The following STK24 variants were observed in gnomAD, a reference collection of about 807,000 sequenced individuals.
STK24 encodes serine/threonine-protein kinase 24.
In STK24, 21 loss-of-function variants were observed where a neutral mutation model predicts 55.6. That is an observed-to-expected ratio of 0.38 (90% CI 0.27 to 0.54). STK24 has a LOEUF of 0.54. STK24 is among the 20% of genes least tolerant of loss of function. The probability of loss-of-function intolerance (pLI) is 0.79; values close to 1 mark genes in which losing one functional copy is unlikely to be tolerated. For synonymous variants in STK24, 200 were observed against 215.2 expected (o/e 0.93, Z 0.62); for missense variants, 383 against 538.4 (o/e 0.71, Z 2.86).
At chr13:98,559,330 C>T (rs182565514) in intron 1 of STK24, among the ~76,000 whole-genome samples, 382 of 152,272 alleles carry the variant, frequency 2.5e-3, no homozygotes, top group Admixed American at 5.6e-3. Flanking sequence ...TTCCCATCCT[C>T]TTCGCATGAC....
At chr13:98,531,099 A>C (rs1896568502) in intron 1 of STK24, among the ~76,000 whole-genome samples, 1 of 152,240 alleles carries the variant, frequency 6.6e-6, no homozygotes, top group African/African-American at 2.4e-5. Flanking sequence ...TCATCTAATT[A>C]AACTGGCCAT....
At chr13:98,537,614 G>A (rs1594651365) in intron 1 of STK24, among the ~76,000 whole-genome samples, 1 of 152,166 alleles carries the variant, frequency 6.6e-6, no homozygotes, top group African/African-American at 2.4e-5. Flanking sequence ...CAACAGCCCA[G>A]GAAGCAGCAA....
intron 1 of STK24, among the ~76,000 whole-genome samples, chr13:98,558,437 C>T (rs913392849): frequency 1.4e-4 from 21 of 152,126 alleles, no homozygotes; most frequent in African/African-American, 4.8e-4. Flanking sequence ...CGGTACAACA[C>T]CAGGAGGGCA....
intron 2 of STK24, among the ~76,000 whole-genome samples, chr13:98,508,178 A>AT (rs764509282): frequency 8.3e-4 from 126 of 152,280 alleles, no homozygotes; most frequent in Admixed American, 1.6e-3. Context: ...AAAAAAAATA[A>AT]ATATATTTGT....
At chr13:98,563,202 C>G (rs898475716) in intron 1 of STK24, among the ~76,000 whole-genome samples, 3 of 152,120 alleles carry the variant, frequency 2.0e-5, no homozygotes, top group Non-Finnish European at 4.4e-5. Flanking sequence ...CCACAACATC[C>G]AAGGCTAGCA....
intron 2 of STK24, among the ~76,000 whole-genome samples, chr13:98,500,058 T>C (rs1039411728): frequency 6.6e-6 from 1 of 152,250 alleles, no homozygotes; most frequent in Admixed American, 6.5e-5. Flanking sequence ...CATTCACAAA[T>C]ACCTTGCAGC....
At chr13:98,487,418 A>T (rs543732309) in intron 2 of STK24, among the ~76,000 whole-genome samples, 9 of 152,364 alleles carry the variant, frequency 5.9e-5, no homozygotes, top group Middle Eastern at 6.8e-3. Flanking sequence ...TTTAATTAAT[A>T]AATTCTGGAG....
At chr13:98,569,508 TG>T (rs1897681228) in intron 1 of STK24, among the ~76,000 whole-genome samples, 1 of 150,544 alleles carries the variant, frequency 6.6e-6, no homozygotes, top group Admixed American at 6.6e-5. Flanking sequence ...GACCAGAGGA[TG>T]GGGGTGGCAC....
At chr13:98,467,214 G>T (rs920311998) in intron 5 of STK24, among the ~76,000 whole-genome samples, 1 of 152,142 alleles carries the variant, frequency 6.6e-6, no homozygotes, top group African/African-American at 2.4e-5. Context: ...CCTATTGCAT[G>T]AATTTACTAA....
chr13:98,552,463 C>T (rs1173683865), intron 1 of STK24, among the ~76,000 whole-genome samples: 1 of 152,118 alleles, frequency 6.6e-6, no homozygotes, highest in Non-Finnish European at 1.5e-5. Flanking sequence ...TCCACTCAAC[C>T]CAGCTGGGAA....
intron 5 of STK24, among the ~76,000 whole-genome samples, chr13:98,473,830 A>C (rs2139284370): frequency 6.6e-6 from 1 of 152,364 alleles, no homozygotes; most frequent in East Asian, 1.9e-4. Context: ...GCTTTCTAAC[A>C]GTCTATAGCT....
intron 1 of STK24, chr13:98,576,051 G>GA (rs1897881079): frequency 1.0e-6 from 1 of 985,002 alleles, no homozygotes; most frequent in Non-Finnish European, 1.2e-6. Context: ...GTCTCAAAGT[G>GA]AAAGTCCAGG....
chr13:98,501,280 C>T (rs1016251831), intron 2 of STK24, among the ~76,000 whole-genome samples: 1 of 152,194 alleles, frequency 6.6e-6, no homozygotes, highest in African/African-American at 2.4e-5. Context: ...TGCACACTCC[C>T]TCCTCACAGA....
chr13:98,489,604 G>A (rs1894942212), intron 2 of STK24, among the ~76,000 whole-genome samples: 1 of 152,218 alleles, frequency 6.6e-6, no homozygotes, highest in Non-Finnish European at 1.5e-5. Flanking sequence ...AAAAGACAGG[G>A]AACACCTGGT....
chr13:98,503,024 G>GGTTTTTTTTT lies in STK24; in HGVS notation c.273+16218_273+16219insAAAAAAAAAC, dbSNP rs759314930. ...AATATATTAGAAATACTTTCCATGT[G>GGTTTTTTTTT]TTTTTTTTTTTTTTTTTCAGTATGG... On this transcript the variant is annotated intron_variant, in intron 2 of 10. Coordinates refer to ENST00000539966, the MANE Select transcript of STK24 (RefSeq NM_001032296.4). Among the ~76,000 whole-genome samples the GGTTTTTTTTT allele has an allele frequency of 8.2e-3, 874 of 106,992 alleles. 19 individuals are homozygous for GGTTTTTTTTT. The highest frequency in any genetic ancestry group is 0.02 in the African/African-American group (492 of 24,994). 70.2% of individuals were successfully genotyped at this position (106,992 alleles called of 152,430 possible). A position where few individuals can be genotyped will look rare whatever the true frequency, so the allele number is the denominator to read the frequency against.
intron 2 of STK24, 112 bp downstream of exon 2, chr13:98,519,131 T>A: frequency 3.7e-6 from 3 of 807,398 alleles, no homozygotes; most frequent in Non-Finnish European, 6.1e-6. Flanking sequence ...TCAAAACATC[T>A]CTCCTTGCTC....
At chr13:98,539,064 A>G (rs1896813915) in intron 1 of STK24, among the ~76,000 whole-genome samples, 1 of 152,198 alleles carries the variant, frequency 6.6e-6, no homozygotes, top group African/African-American at 2.4e-5. Flanking sequence ...AGCTGTACAC[A>G]GCAGAGCACC....
At chr13:98,550,312 G>A (rs1037114293) in intron 1 of STK24, among the ~76,000 whole-genome samples, 3 of 152,212 alleles carry the variant, frequency 2.0e-5, no homozygotes, top group African/African-American at 7.2e-5. Context: ...GTCAAGGGGG[G>A]AAGATCGCGT....
At chr13:98,503,968 C>T (rs183026446) in intron 2 of STK24, among the ~76,000 whole-genome samples, 3 of 152,234 alleles carry the variant, frequency 2.0e-5, no homozygotes, top group East Asian at 3.9e-4. Context: ...CCTACACCTG[C>T]GATGGCCAAA....
Sources: gnomAD v4.1 joint callset for allele counts (sites outside exome capture counted in the v4.1 genomes callset) on GRCh38, gnomAD v4.1.1 for gene constraint, MANE v1.5 for transcripts, NCBI Gene and HGNC (gene_info 2026-07-23, HGNC 2026-07-21) for gene names.